The following ACYP2 variants were observed in gnomAD, a reference collection of about 807,000 sequenced individuals.
The protein encoded by ACYP2 is acylphosphatase-2.
A neutral mutation model predicts 11.2 loss-of-function variants in ACYP2; 12 were observed. That is an observed-to-expected ratio of 1.08 (90% CI 0.69 to 1.74). The LOEUF is 1.74. Among genes scored for constraint, ACYP2 ranks in the 40% most tolerant of loss-of-function variants. ACYP2 has a pLI of 0.00. For synonymous variants in ACYP2, 43 were observed against 32.2 expected, an observed-to-expected ratio of 1.33 and a Z score of -1.13; for missense variants, 134 against 101.9, an observed-to-expected ratio of 1.31 and a Z score of -1.35.
chr2:54,028,375 G>A (rs1674405765), intron 2 of ACYP2, among the ~76,000 whole-genome samples: 1 of 152,146 alleles, frequency 6.6e-6, no homozygotes, highest in South Asian at 2.1e-4. Flanking sequence ...CTGACATGCT[G>A]AATTGAAGAA....
rs4027206 is a variant in ACYP2 at position 54,015,645 on chromosome 2, T to TCACACACA, written c.63-35277_63-35270dup. On this transcript the variant is annotated intron_variant, in intron 2 of 6. Transcript: ENST00000607452. ...GCCTGGGCAACAGAGTGAGACCCCG[T>TCACACACA]CACACACACACACACACACACACAC... Among the ~76,000 whole-genome samples the TCACACACA allele has an allele frequency of 2.9e-3, 376 of 130,450 alleles. 2 individuals carry two copies. Among genetic ancestry groups the TCACACACA allele is most frequent in the African/African-American group, 3.9e-3 (127 of 32,398 alleles). The allele number at this position is 130,450 out of a possible 152,430, so 85.6% of individuals were successfully genotyped here. A position where few individuals can be genotyped will look rare whatever the true frequency, so the allele number is the denominator to read the frequency against.
At chr2:54,111,856 A>T (rs905750404) in intron 4 of ACYP2, among the ~76,000 whole-genome samples, 1 of 152,212 alleles carries the variant, frequency 6.6e-6, no homozygotes, top group Admixed American at 6.5e-5. Flanking sequence ...TTAATATCAA[A>T]TTTCTGAGAA....
At chr2:54,177,540 A>G (rs911756943) in intron 6 of ACYP2, among the ~76,000 whole-genome samples, 4 of 145,158 alleles carry the variant, frequency 2.8e-5, no homozygotes, top group Admixed American at 1.3e-4. Flanking sequence ...TGAGTATGCC[A>G]TCTATTTCCT....
At chr2:54,135,613 T>C in intron 5 of ACYP2, 144 bp downstream of exon 2, 2 of 600,948 alleles carry the variant, frequency 3.3e-6, no homozygotes, top group South Asian at 5.1e-5. Context: ...ATGTATTTCT[T>C]TGAAATTACT....
At chr2:54,157,097 A>G (rs140097911) in intron 6 of ACYP2, among the ~76,000 whole-genome samples, 49 of 152,350 alleles carry the variant, frequency 3.2e-4, no homozygotes, top group African/African-American at 1.2e-3. Flanking sequence ...CAAGATTTAC[A>G]TGGTTGTCCT....
chr2:53,981,051 C>T (rs1349266465), intron 2 of ACYP2, among the ~76,000 whole-genome samples: 1 of 152,216 alleles, frequency 6.6e-6, no homozygotes, highest in African/African-American at 2.4e-5. Context: ...CACACCGGAA[C>T]AGATGTACCA....
chr2:54,040,144 G>C (rs182367257), intron 2 of ACYP2, among the ~76,000 whole-genome samples: 1 of 152,222 alleles, frequency 6.6e-6, no homozygotes, highest in African/African-American at 2.4e-5. Flanking sequence ...GTGAGAATTG[G>C]TCAGATTCTG....
At chr2:54,182,347 TTTG>T (rs1012550960) in intron 6 of ACYP2, among the ~76,000 whole-genome samples, 10 of 151,240 alleles carry the variant, frequency 6.6e-5, no homozygotes, top group Admixed American at 1.3e-4. Flanking sequence ...GAAGATAAAT[TTTG>T]TTGTTGTTGT....
chr2:54,118,139 T>G (rs1222254022), intron 4 of ACYP2, among the ~76,000 whole-genome samples: 3 of 152,224 alleles, frequency 2.0e-5, no homozygotes, highest in Admixed American at 6.5e-5. Context: ...GGAAGGAATA[T>G]ATGTGGAAGT....
chr2:54,237,935 G>A (rs963665391), intron 6 of ACYP2, among the ~76,000 whole-genome samples: 12 of 151,886 alleles, frequency 7.9e-5, no homozygotes, highest in Non-Finnish European at 1.3e-4. Context: ...ATCCCCTGCC[G>A]TACTCTCGTT....
intron 6 of ACYP2, among the ~76,000 whole-genome samples, chr2:54,259,118 A>G (rs139173319): frequency 5.3e-5 from 8 of 152,358 alleles, no homozygotes; most frequent in South Asian, 2.1e-4. Flanking sequence ...GATGACTCCA[A>G]TGATTTTGAC....
In ACYP2 at chr2:54,263,187, A is replaced by G. The variant is rs142684598; in HGVS notation, c.405-41501A>G. The stretch of plus-strand genomic sequence containing the variant: ...CTCATCTTCTGGGGAGACTTAAGGA[A>G]GCTTACAATCATGGCGGAAGGCAAA... On this transcript the variant is annotated intron_variant, in intron 6 of 6. Coordinates refer to ENST00000607452, the MANE Select transcript of ACYP2 (RefSeq NM_001320586.2). Among the ~76,000 whole-genome samples the G allele has an allele frequency of 5.0e-3, 755 of 152,308 alleles. 10 individuals carry two copies. The highest frequency in any genetic ancestry group is 0.017 in the African/African-American group (724 of 41,576).
rs572552124 is a variant in ACYP2, at chr2:54,029,498, A to G, written c.63-21460A>G. ...ATATATGTATTATGCATGAATTCAT[A>G]GGGAAGTGGTTCCAGCAACTCAGGC... On this transcript the variant is annotated intron_variant, in intron 2 of 6. Transcript: ENST00000607452. 27 of 376,142 alleles carry G rather than the reference A, an allele frequency of 7.2e-5. 2 individuals are homozygous for G. Among genetic ancestry groups the G allele is most frequent in the South Asian group, 3.3e-4 (14 of 42,708 alleles). 23.3% of individuals were successfully genotyped at this position (376,142 alleles called of 1,614,324 possible). A position where few individuals can be genotyped will look rare whatever the true frequency, so the allele number is the denominator to read the frequency against.
intron 6 of ACYP2, among the ~76,000 whole-genome samples, chr2:54,273,979 A>G (rs1052308021): frequency 1.3e-5 from 2 of 152,196 alleles, no homozygotes; most frequent in Non-Finnish European, 1.5e-5. Flanking sequence ...TTATATTGAG[A>G]CTATAAAATT....
rs563173807 is a variant in ACYP2 at position 54,081,384 on chromosome 2, G to GGTA, written c.277+24026_277+24028dup. 7.9e-5 allele frequency among the ~76,000 whole-genome samples: 12 copies of GGTA among 152,208 alleles called. 1 individual carries two copies. In the South Asian group the frequency reaches 2.1e-3, roughly 26 times the overall value. On this transcript the variant is annotated intron_variant, in intron 4 of 6. Coordinates refer to ENST00000607452, the MANE Select transcript of ACYP2 (RefSeq NM_001320586.2). ...TAATAGGATGGCCCGCCTAGAAAACGGTAGCCCCATAAGATTATAATATTG... is the reference window on the plus strand; with the variant it reads ...TAATAGGATGGCCCGCCTAGAAAACGGTAGTAGCCCCATAAGATTATAATATTG...
intron 6 of ACYP2, among the ~76,000 whole-genome samples, chr2:54,201,584 T>TTC (rs1558608291): frequency 1.0e-5 from 1 of 96,222 alleles, no homozygotes; most frequent in Non-Finnish European, 2.3e-5. Flanking sequence ...CAGCTTCTTT[T>TTC]TCTTTCTTTC....
intron 6 of ACYP2, among the ~76,000 whole-genome samples, chr2:54,219,701 C>G (rs1685700329): frequency 6.6e-6 from 1 of 151,878 alleles, no homozygotes. Context: ...TCACTGCAAC[C>G]TCCACCTCCT....
intron 6 of ACYP2, among the ~76,000 whole-genome samples, chr2:54,171,984 G>T (rs1351084429): frequency 6.6e-6 from 1 of 152,052 alleles, no homozygotes; most frequent in Non-Finnish European, 1.5e-5. Flanking sequence ...GAGGTTGAGG[G>T]AGGAGGATCT....
chr2:54,018,104 C>A (rs531751102), intron 2 of ACYP2, among the ~76,000 whole-genome samples: 3 of 152,180 alleles, frequency 2.0e-5, no homozygotes, highest in Non-Finnish European at 4.4e-5. Context: ...TGTGTTGTAA[C>A]CTAGCAACCC....
Sources: allele counts gnomAD v4.1 joint callset (sites outside exome capture counted in the v4.1 genomes callset), GRCh38; gene constraint gnomAD v4.1.1; transcripts MANE v1.5; gene names NCBI Gene and HGNC (gene_info 2026-07-23, HGNC 2026-07-21).